The following NLGN1 variants were observed in gnomAD, a reference collection of about 807,000 sequenced individuals.
NLGN1 encodes the protein neuroligin-1.
In NLGN1, 12 loss-of-function variants were observed where a neutral mutation model predicts 65.5. That is an observed-to-expected ratio of 0.18 (90% CI 0.12 to 0.30). NLGN1 has a LOEUF of 0.30. Among genes scored for constraint, NLGN1 ranks in the 10% least tolerant of loss-of-function variants. NLGN1 has a pLI of 1.00. For missense variants in NLGN1, 750 were observed against 1,007.1 expected (o/e 0.74, Z 3.46); for synonymous variants, 350 against 359.5 (o/e 0.97, Z 0.30).
intron 4 of NLGN1, among the ~76,000 whole-genome samples, chr3:173,975,459 A>T (rs1717223808): frequency 6.6e-6 from 1 of 152,022 alleles, no homozygotes; most frequent in Admixed American, 6.6e-5. Flanking sequence ...ACCGAGGGAT[A>T]ATATTGATCA....
At chr3:174,016,667 A>C (rs1726619655) in intron 4 of NLGN1, among the ~76,000 whole-genome samples, 1 of 152,306 alleles carries the variant, frequency 6.6e-6, no homozygotes, top group Admixed American at 6.5e-5. Context: ...TTGGTGCAAA[A>C]GTAATTGCAG....
At chr3:173,788,664 A>G (rs769329546) in intron 3 of NLGN1, among the ~76,000 whole-genome samples, 4 of 151,878 alleles carry the variant, frequency 2.6e-5, no homozygotes, top group Admixed American at 6.6e-5. Context: ...AAATCAAGAA[A>G]TCTTACTCCT....
intron 1 of NLGN1, among the ~76,000 whole-genome samples, chr3:173,417,129 A>G (rs1218114536): frequency 6.6e-6 from 1 of 151,990 alleles, no homozygotes; most frequent in African/African-American, 2.4e-5. Context: ...TTTTTGTATT[A>G]GATATTACAT....
chr3:173,488,626 T>C (rs965069992), intron 2 of NLGN1, among the ~76,000 whole-genome samples: 1 of 152,136 alleles, frequency 6.6e-6, no homozygotes, highest in Non-Finnish European at 1.5e-5. Flanking sequence ...TCTCTATCAT[T>C]GCTGTTGAGA....
intron 4 of NLGN1, among the ~76,000 whole-genome samples, chr3:174,023,961 G>A (rs1728299116): frequency 6.6e-6 from 1 of 152,044 alleles, no homozygotes; most frequent in Admixed American, 6.6e-5. Context: ...TACCTCTGAT[G>A]ACATGCAGAA....
exon 6 of NLGN1, chr3:174,278,959 G>T (rs772156511): frequency 1.3e-6 from 2 of 1,546,264 alleles, no homozygotes; most frequent in East Asian, 2.3e-5. Flanking sequence ...GGCCACAAAA[G>T]TTGGTTGCAA....
chr3:173,563,916 A>G (rs1263037041), intron 2 of NLGN1, among the ~76,000 whole-genome samples: 2 of 152,196 alleles, frequency 1.3e-5, no homozygotes, highest in Non-Finnish European at 2.9e-5. Flanking sequence ...AATAAAATGT[A>G]TTCCTCTACT....
At chr3:173,758,573 C>T (rs1422266366) in intron 3 of NLGN1, among the ~76,000 whole-genome samples, 1 of 151,982 alleles carries the variant, frequency 6.6e-6, no homozygotes, top group Non-Finnish European at 1.5e-5. Flanking sequence ...GCTGCTTACC[C>T]AGCCAGTGTT....
At chr3:174,207,281 G>T (rs760861601) in intron 4 of NLGN1, among the ~76,000 whole-genome samples, 2 of 151,012 alleles carry the variant, frequency 1.3e-5, no homozygotes, top group Admixed American at 1.3e-4. Flanking sequence ...CTGGTGTACC[G>T]CTCTCTCCCC....
intron 2 of NLGN1, among the ~76,000 whole-genome samples, chr3:173,539,437 A>G (rs1738059183): frequency 6.8e-6 from 1 of 146,176 alleles, no homozygotes; most frequent in Admixed American, 7.0e-5. Flanking sequence ...TAACATATAT[A>G]TGTACATGTA....
chr3:173,445,295 A>G (rs1287820692), intron 2 of NLGN1, among the ~76,000 whole-genome samples: 1 of 148,528 alleles, frequency 6.7e-6, no homozygotes, highest in Non-Finnish European at 1.5e-5. Flanking sequence ...AAAAAAAAAA[A>G]CAAGGACTTG....
At chr3:174,261,459 A>G (rs1746889650) in intron 4 of NLGN1, among the ~76,000 whole-genome samples, 1 of 149,200 alleles carries the variant, frequency 6.7e-6, no homozygotes, top group African/African-American at 2.5e-5. Flanking sequence ...TGTGAATGGG[A>G]GTTCACTCAT....
At chr3:173,587,392 A>G (rs988068371) in intron 2 of NLGN1, among the ~76,000 whole-genome samples, 7 of 152,316 alleles carry the variant, frequency 4.6e-5, no homozygotes, top group Non-Finnish European at 8.8e-5. Context: ...TGGAAAGCCA[A>G]TAACAATGGA....
intron 3 of NLGN1, among the ~76,000 whole-genome samples, chr3:173,638,903 T>C (rs1174066234): frequency 6.6e-6 from 1 of 152,056 alleles, no homozygotes; most frequent in Non-Finnish European, 1.5e-5. Context: ...GCATGTAGTA[T>C]AGGAAGGTAG....
intron 2 of NLGN1, among the ~76,000 whole-genome samples, chr3:173,582,942 T>A (rs1746632187): frequency 1.3e-5 from 2 of 152,334 alleles, no homozygotes; most frequent in South Asian, 2.1e-4. Flanking sequence ...AGTTGCAATC[T>A]TGTATTATCA....
intron 4 of NLGN1, among the ~76,000 whole-genome samples, chr3:173,964,711 A>G (rs564862255): frequency 4.6e-5 from 7 of 152,206 alleles, no homozygotes; most frequent in Non-Finnish European, 1.0e-4. Context: ...TCCAAAATGG[A>G]TTAAAAATGG....
Position 173,778,773 on chromosome 3 carries a change from A to C in NLGN1, c.494-28907A>C, listed in dbSNP as rs1334845617. 2.0e-5 allele frequency among the ~76,000 whole-genome samples: 3 copies of C among 151,894 alleles called. No homozygotes were observed. In the East Asian group the frequency reaches 5.8e-4, roughly 29 times the overall value. On this transcript the variant is annotated intron_variant, in intron 3 of 6. Coordinates refer to ENST00000457714, the Ensembl canonical transcript of NLGN1. ...CAGTTGATTTTTTTTCAGTAAGTAAATTAAATCATTTCATCTTCTTCAAAT... is the reference window on the plus strand; with the variant it reads ...CAGTTGATTTTTTTTCAGTAAGTAACTTAAATCATTTCATCTTCTTCAAAT...
chr3:173,449,830 C>G (rs1416639114), intron 2 of NLGN1, among the ~76,000 whole-genome samples: 4 of 152,110 alleles, frequency 2.6e-5, no homozygotes, highest in Admixed American at 2.6e-4. Context: ...CCTTCTTTGT[C>G]TCTTTTGATC....
intron 4 of NLGN1, among the ~76,000 whole-genome samples, chr3:174,160,300 T>C (rs1270179498): frequency 6.6e-6 from 1 of 151,730 alleles, no homozygotes; most frequent in Non-Finnish European, 1.5e-5. Context: ...TGTGAAGAAG[T>C]TGTAGACCTG....
Sources: gnomAD v4.1 joint callset for allele counts (sites outside exome capture counted in the v4.1 genomes callset) on GRCh38, gnomAD v4.1.1 for gene constraint, MANE v1.5 for transcripts, NCBI Gene and HGNC (gene_info 2026-07-23, HGNC 2026-07-21) for gene names.